The following SUMF1 variants were observed in gnomAD, a reference collection of about 807,000 sequenced individuals.
The protein encoded by SUMF1 is sulfatase modifying factor 1, also known as formylglycine-generating enzyme.
SUMF1 carries 48 observed loss-of-function variants against 47.6 expected under a neutral mutation model. The ratio of observed to expected loss-of-function variants is 1.01; its 90% CI spans 0.80 to 1.28. The LOEUF (loss-of-function observed/expected upper bound fraction) is 1.28. SUMF1 is among the 50% of genes most tolerant of loss of function. SUMF1 has a pLI of 0.00. For synonymous variants in SUMF1, 230 were observed against 192.1 expected (o/e 1.20, Z -1.63); for missense variants, 571 against 485.4 (o/e 1.18, Z -1.66).
chr3:4,368,699 C>T (rs932273690), intron 8 of SUMF1, among the ~76,000 whole-genome samples: 6 of 152,158 alleles, frequency 3.9e-5, no homozygotes, highest in African/African-American at 1.4e-4. Context: ...GCCCTGCATG[C>T]ACTTGTACAC....
At chr3:4,141,701 C>G (rs1333567012) in intron 8 of SUMF1, among the ~76,000 whole-genome samples, 3 of 151,582 alleles carry the variant, frequency 2.0e-5, no homozygotes, top group Non-Finnish European at 4.4e-5. Flanking sequence ...AAACAAAAAA[C>G]ATAGCTATTG....
chr3:4,401,678 A>T (rs564515317), intron 7 of SUMF1, among the ~76,000 whole-genome samples: 1 of 152,192 alleles, frequency 6.6e-6, no homozygotes, highest in Non-Finnish European at 1.5e-5. Flanking sequence ...GACTGACCTC[A>T]CTTTCATCAC....
intron 8 of SUMF1, among the ~76,000 whole-genome samples, chr3:4,254,097 C>G (rs1428570045): frequency 6.6e-6 from 1 of 151,780 alleles, no homozygotes; most frequent in Middle Eastern, 3.2e-3. Context: ...GACATCCACA[C>G]CGAAAACCCA....
intron 3 of SUMF1, among the ~76,000 whole-genome samples, chr3:4,424,202 C>T (rs1450339473): frequency 6.6e-6 from 1 of 152,116 alleles, no homozygotes; most frequent in African/African-American, 2.4e-5. Flanking sequence ...CATATTAGTA[C>T]TATAGTTTTT....
chr3:4,465,197 C>T (rs1407429014), intron 1 of SUMF1, among the ~76,000 whole-genome samples: 1 of 152,204 alleles, frequency 6.6e-6, no homozygotes, highest in East Asian at 1.9e-4. Flanking sequence ...GACAGACTGG[C>T]TTGGCGCGGT....
At chr3:4,416,683 CTACCT>C (rs1346544636) in intron 6 of SUMF1, among the ~76,000 whole-genome samples, 1 of 152,222 alleles carries the variant, frequency 6.6e-6, no homozygotes, top group Non-Finnish European at 1.5e-5. Flanking sequence ...ATAATAGTAC[CTACCT>C]TACAGAGTTG....
At chr3:4,193,581 G>A (rs1437555666) in intron 8 of SUMF1, among the ~76,000 whole-genome samples, 1 of 151,978 alleles carries the variant, frequency 6.6e-6, no homozygotes, top group Non-Finnish European at 1.5e-5. Context: ...ACAGCATTAT[G>A]GTAATAAAAA....
chr3:4,202,109 G>A (rs1198046088), intron 8 of SUMF1, among the ~76,000 whole-genome samples: 1 of 151,900 alleles, frequency 6.6e-6, no homozygotes, highest in Non-Finnish European at 1.5e-5. Context: ...TTAACTTTAT[G>A]AGATCTCATT....
intron 8 of SUMF1, among the ~76,000 whole-genome samples, chr3:4,211,227 T>TATATATATATA (rs1695786851): frequency 1.5e-5 from 2 of 134,824 alleles, no homozygotes; most frequent in Non-Finnish European, 3.1e-5. Flanking sequence ...TATATATATA[T>TATATATATATA]CCTATTAGTT....
intron 8 of SUMF1, among the ~76,000 whole-genome samples, chr3:4,198,609 T>C (rs1695479147): frequency 6.6e-6 from 1 of 152,034 alleles, no homozygotes; most frequent in African/African-American, 2.4e-5. Flanking sequence ...AGACTGACAA[T>C]GGCCCGACAA....
rs773127578 is a variant in SUMF1 at position 4,269,140 on chromosome 3, G to GT, written c.1014+107189dup. On this transcript the variant is annotated intron_variant and NMD_transcript_variant, in intron 8 of 12. Transcript: ENST00000448413. Reference sequence around the variant, plus strand: ...CAAAAATAATCACTGCCATAGATGTGTTTTGGCTGTCTTTTGATCTTTATA... The same window carrying GT: ...CAAAAATAATCACTGCCATAGATGTGTTTTTGGCTGTCTTTTGATCTTTATA... Among the ~76,000 whole-genome samples the GT allele has an allele frequency of 3.2e-4, 49 of 152,202 alleles. 5 individuals are homozygous for GT. Among genetic ancestry groups the GT allele is most frequent in the East Asian group, 1.9e-3 (10 of 5,184 alleles).
chr3:4,171,721 G>A (rs545538377), intron 8 of SUMF1, among the ~76,000 whole-genome samples: 1 of 152,244 alleles, frequency 6.6e-6, no homozygotes, highest in South Asian at 2.1e-4. Flanking sequence ...AGATAAATGG[G>A]CTTGTGAGGT....
chr3:4,287,418 AAT>A (rs1697655077), intron 8 of SUMF1, among the ~76,000 whole-genome samples: 1 of 151,764 alleles, frequency 6.6e-6, no homozygotes, highest in African/African-American at 2.4e-5. Flanking sequence ...AAAAAAAAAA[AAT>A]CTTTCACACA....
chr3:4,368,123 G>C (rs79858265), intron 8 of SUMF1, among the ~76,000 whole-genome samples: 93,349 of 151,990 alleles, frequency 0.61, 29,153 homozygotes, highest in East Asian at 0.76. Flanking sequence ...CTACAATGAA[G>C]TCTAACAAAT....
At chr3:4,453,097 G>A (rs764340234) in intron 1 of SUMF1, 48 bp from the exon 2 acceptor site, 3 of 1,571,766 alleles carry the variant, frequency 1.9e-6, no homozygotes. Flanking sequence ...CAGCCAAGGT[G>A]TACCTGTGTA....
downstream of SUMF1, among the ~76,000 whole-genome samples, chr3:4,360,205 CTTT>C (rs57690047): frequency 1.1e-4 from 11 of 104,106 alleles, no homozygotes; most frequent in Admixed American, 3.0e-4. Flanking sequence ...AATGTTTGTT[CTTT>C]TTTTTTTTTT....
chr3:4,212,558 A>G (rs1695823237), intron 8 of SUMF1, among the ~76,000 whole-genome samples: 2 of 152,194 alleles, frequency 1.3e-5, no homozygotes, highest in Admixed American at 6.5e-5. Context: ...ACAGAGAATG[A>G]GTTTGATGAA....
chr3:4,159,454 T>C (rs968326756), intron 8 of SUMF1, among the ~76,000 whole-genome samples: 1 of 147,522 alleles, frequency 6.8e-6, no homozygotes, highest in African/African-American at 2.7e-5. Context: ...TTTAACTTCA[T>C]TTTGCCCAGT....
intron 8 of SUMF1, among the ~76,000 whole-genome samples, chr3:4,339,314 G>A (rs1019043174): frequency 6.6e-6 from 1 of 152,140 alleles, no homozygotes; most frequent in Non-Finnish European, 1.5e-5. Context: ...AGCTCAGGGG[G>A]TACCCAAGGA....
Sources: allele counts gnomAD v4.1 joint callset (sites outside exome capture counted in the v4.1 genomes callset), GRCh38; gene constraint gnomAD v4.1.1; transcripts MANE v1.5; gene names NCBI Gene and HGNC (gene_info 2026-07-23, HGNC 2026-07-21).